The following FIBCD1 variants were observed in gnomAD, a reference collection of about 807,000 sequenced individuals.
FIBCD1 encodes the protein fibrinogen C domain-containing protein 1.
Under a neutral mutation model 45.1 loss-of-function variants are expected in FIBCD1, and 47 were observed. The observed-to-expected ratio is 1.04, with a 90% CI of 0.82 to 1.33. FIBCD1 has a LOEUF of 1.33. Among genes scored for constraint, FIBCD1 ranks in the 40% most tolerant of loss-of-function variants. The pLI is 0.00. For synonymous variants in FIBCD1, 313 were observed against 308.1 expected (o/e 1.02, Z -0.17); for missense variants, 653 against 682.2 (o/e 0.96, Z 0.48).
In FIBCD1 at chr9:130,938,547, C is replaced by T. The variant is rs1832558441; in HGVS notation, c.61G>A (p.Asp21Asn). 1.3e-6 allele frequency: 2 copies of T among 1,490,112 alleles called. No individual in the cohort carries two copies. The highest frequency in any genetic ancestry group is 1.8e-6 in the Non-Finnish European group (2 of 1,125,666). The allele number at this position is 1,490,112 out of a possible 1,614,324, so 92.3% of individuals were successfully genotyped here. ...GCGCCCGAGCGTACCTGCGGCTTGT[C>T]GCGCGGCCGGTCCTCAAGTTGGGCA... ...GAAQLEDRPR[D>N]KPQRPSCGYV... is the part of the protein sequence containing the mutation. The change falls in exon 1 of 7, where the codon GAC becomes AAC. Residue 21 changes from aspartate to asparagine, a missense_variant. Coordinates refer to ENST00000372338, the MANE Select transcript of FIBCD1 (RefSeq NM_032843.5).
chr9:130,912,424 G>A (rs55773992), intron 4 of FIBCD1, among the ~76,000 whole-genome samples: 19,755 of 146,740 alleles, frequency 0.13, 1,393 homozygotes, highest in Non-Finnish European at 0.15. Context: ...AAAGTGGGGT[G>A]GGCCGGGCAC....
chr9:130,908,646 G>A (rs1831979147), intron 5 of FIBCD1, among the ~76,000 whole-genome samples: 1 of 152,208 alleles, frequency 6.6e-6, no homozygotes, highest in African/African-American at 2.4e-5. Context: ...TCTCTAAAAG[G>A]AGGGGACGAC....
intron 1 of FIBCD1, among the ~76,000 whole-genome samples, chr9:130,931,303 A>T (rs554845359): frequency 1.3e-5 from 2 of 152,170 alleles, no homozygotes; most frequent in Non-Finnish European, 2.9e-5. Context: ...AGGTCAGGAG[A>T]TCGAGACCAT....
At chr9:130,936,008 C>A (rs749513730) in intron 1 of FIBCD1, among the ~76,000 whole-genome samples, 1 of 152,162 alleles carries the variant, frequency 6.6e-6, no homozygotes, top group African/African-American at 2.4e-5. Context: ...GAGAGGAGAC[C>A]GGGACACAGC....
chr9:130,925,188 TG>T (rs1300990741), intron 2 of FIBCD1, among the ~76,000 whole-genome samples: 1 of 152,058 alleles, frequency 6.6e-6, no homozygotes, highest in Non-Finnish European at 1.5e-5. Flanking sequence ...ATGACCTCAC[TG>T]GGTCCCCCAC....
At chr9:130,933,278 C>T (rs1460332514) in intron 1 of FIBCD1, among the ~76,000 whole-genome samples, 5 of 152,208 alleles carry the variant, frequency 3.3e-5, no homozygotes, top group African/African-American at 1.2e-4. Flanking sequence ...ACAAGGGGGG[C>T]TCTGGGCGCT....
chr9:130,913,490 G>A (rs12347281), intron 4 of FIBCD1, among the ~76,000 whole-genome samples: 28,776 of 152,146 alleles, frequency 0.19, 5,618 homozygotes, highest in African/African-American at 0.5. Context: ...CTGAGCCCTC[G>A]GGGACGTGTC....
intron 5 of FIBCD1, among the ~76,000 whole-genome samples, chr9:130,906,117 C>A (rs931284827): frequency 6.6e-6 from 1 of 152,074 alleles, no homozygotes; most frequent in Non-Finnish European, 1.5e-5. Flanking sequence ...GGCACCCTCA[C>A]CCCTCTAGGC....
At chr9:130,935,831 C>CT (rs1470730677) in intron 1 of FIBCD1, among the ~76,000 whole-genome samples, 1 of 152,210 alleles carries the variant, frequency 6.6e-6, no homozygotes, top group Non-Finnish European at 1.5e-5. Flanking sequence ...CACCAAGCTC[C>CT]TAGGGTGGCT....
intron 4 of FIBCD1, among the ~76,000 whole-genome samples, chr9:130,914,518 G>A (rs1218994436): frequency 2.0e-5 from 3 of 152,244 alleles, no homozygotes; most frequent in Admixed American, 1.3e-4. Flanking sequence ...GGCAGAAAAT[G>A]CAGGGAAGTA....
At chr9:130,931,274 C>T (rs1253869749) in intron 1 of FIBCD1, among the ~76,000 whole-genome samples, 1 of 152,212 alleles carries the variant, frequency 6.6e-6, no homozygotes, top group African/African-American at 2.4e-5. Context: ...ACTTGGGAGG[C>T]CGAGGCGGGC....
At chr9:130,910,906 T>C (rs868793550) in intron 5 of FIBCD1, among the ~76,000 whole-genome samples, 77 of 152,178 alleles carry the variant, frequency 5.1e-4, no homozygotes, top group African/African-American at 1.8e-3. Flanking sequence ...GTCCATACTC[T>C]GTATCTAACT....
intron 4 of FIBCD1, among the ~76,000 whole-genome samples, chr9:130,918,495 T>G (rs145857662): frequency 1.3e-5 from 2 of 152,278 alleles, no homozygotes; most frequent in East Asian, 3.9e-4. Flanking sequence ...CAGAAACCAG[T>G]TACAGACAGG....
intron 4 of FIBCD1, among the ~76,000 whole-genome samples, chr9:130,921,089 C>T (rs1204400603): frequency 6.6e-6 from 1 of 152,114 alleles, no homozygotes; most frequent in African/African-American, 2.4e-5. Flanking sequence ...GGTGTATGAA[C>T]TGTAAAGTGG....
intron 2 of FIBCD1, among the ~76,000 whole-genome samples, chr9:130,928,047 T>A (rs559049945): frequency 1.3e-5 from 2 of 152,194 alleles, no homozygotes; most frequent in Non-Finnish European, 2.9e-5. Context: ...TCTGTGCTGA[T>A]CAGCTGAGGG....
intron 5 of FIBCD1, among the ~76,000 whole-genome samples, chr9:130,909,033 C>T (rs1034061780): frequency 6.6e-6 from 1 of 152,114 alleles, no homozygotes; most frequent in African/African-American, 2.4e-5. Context: ...CCCAGACCTG[C>T]GCTCTCAGCC....
At chr9:130,933,506 G>A (rs1257672528) in intron 1 of FIBCD1, among the ~76,000 whole-genome samples, 2 of 152,222 alleles carry the variant, frequency 1.3e-5, no homozygotes, top group African/African-American at 2.4e-5. Flanking sequence ...CCACTCGCAT[G>A]AGCTTCCAGC....
intron 4 of FIBCD1, among the ~76,000 whole-genome samples, chr9:130,916,693 G>T (rs1832166684): frequency 6.6e-6 from 1 of 152,252 alleles, no homozygotes; most frequent in African/African-American, 2.4e-5. Flanking sequence ...TAATTACACA[G>T]CGAGGACCAG....
In FIBCD1 at chr9:130,924,087, G is replaced by A. The variant is rs1033315127; in HGVS notation, c.712+150C>T. ...CTCTGGGACTTACTCTCCTCATCTGGAGAATGGACCGAGAGGGCTTCAGCG... is the reference window on the plus strand; with the variant it reads ...CTCTGGGACTTACTCTCCTCATCTGAAGAATGGACCGAGAGGGCTTCAGCG... On this transcript the variant is annotated intron_variant, in intron 3 of 6. Transcript: ENST00000372338. 4.2e-5 allele frequency: 54 copies of A among 1,274,342 alleles called. 1 individual carries two copies. In the Middle Eastern group the frequency reaches 1.1e-3, roughly 26 times the overall value. 78.9% of individuals were successfully genotyped at this position (1,274,342 alleles called of 1,614,324 possible).
Sources: gnomAD v4.1 joint callset for allele counts (sites outside exome capture counted in the v4.1 genomes callset) on GRCh38, gnomAD v4.1.1 for gene constraint, MANE v1.5 for transcripts, NCBI Gene and HGNC (gene_info 2026-07-23, HGNC 2026-07-21) for gene names.